ZNF469: variants seen among roughly 807,000 people sequenced by gnomAD.
ZNF469 encodes the protein zinc finger protein 469.
In ZNF469, 1 loss-of-function variant was observed where a neutral mutation model predicts 1.0. The observed-to-expected ratio is 1.00, with a 90% confidence interval of 0.35 to 4.73. ZNF469 has a LOEUF of 4.73. ZNF469 is among the 30% of genes most tolerant of loss of function. The probability of loss-of-function intolerance (pLI) is 0.16; values close to 1 mark genes in which losing one functional copy is unlikely to be tolerated. For synonymous variants in ZNF469, 2,703 were observed against 2,363.4 expected, an observed-to-expected ratio of 1.14 and a Z score of -4.17; for missense variants, 6,100 against 5,356.3, an observed-to-expected ratio of 1.14 and a Z score of -4.33.
At chr16:88,277,437 C>T in the ZNF469 span, among the ~76,000 whole-genome samples, 1 of 145,470 alleles carries the variant, frequency 6.9e-6, no homozygotes, top group Non-Finnish European at 1.5e-5. Context: ...TAGTGCTGCA[C>T]CACACTGACG....
chr16:88,239,324 G>A, the ZNF469 span, among the ~76,000 whole-genome samples: 1 of 152,098 alleles, frequency 6.6e-6, no homozygotes, highest in East Asian at 1.9e-4. Flanking sequence ...TGGTTAAAAA[G>A]AAGATGAAGA....
chr16:88,400,067 G>A (rs1250134697), intron 1 of ZNF469, among the ~76,000 whole-genome samples: 1 of 152,230 alleles, frequency 6.6e-6, no homozygotes, highest in African/African-American at 2.4e-5. Context: ...GCAGGGACGT[G>A]GGGTGAAGGG....
chr16:88,223,686 G>C, the ZNF469 span, among the ~76,000 whole-genome samples: 1 of 152,232 alleles, frequency 6.6e-6, no homozygotes, highest in Non-Finnish European at 1.5e-5. Flanking sequence ...GGAATGTGGG[G>C]ACAGAGCACA....
At chr16:88,186,733 A>G in the ZNF469 span, among the ~76,000 whole-genome samples, 2 of 152,228 alleles carry the variant, frequency 1.3e-5, no homozygotes, top group Non-Finnish European at 2.9e-5. Context: ...CATGTGTGCA[A>G]GCCGCTCCGT....
the ZNF469 span, among the ~76,000 whole-genome samples, chr16:88,311,823 A>G: frequency 8.7e-4 from 132 of 152,334 alleles, no homozygotes; most frequent in Admixed American, 8.4e-3. Flanking sequence ...CATTTTCGCA[A>G]TGATATAGCC....
the ZNF469 span, among the ~76,000 whole-genome samples, chr16:88,356,236 T>C: frequency 6.6e-6 from 1 of 152,096 alleles, no homozygotes; most frequent in South Asian, 2.1e-4. Context: ...GCCGTGGGTC[T>C]AAGGTTGGAG....
chr16:88,208,268 A>G, the ZNF469 span, among the ~76,000 whole-genome samples: 1 of 151,770 alleles, frequency 6.6e-6, no homozygotes, highest in Admixed American at 6.6e-5. Flanking sequence ...TCTCAAGCTC[A>G]TCTGCGCTTT....
At chr16:88,119,759 G>A in the ZNF469 span, among the ~76,000 whole-genome samples, 1 of 152,192 alleles carries the variant, frequency 6.6e-6, no homozygotes, top group African/African-American at 2.4e-5. Flanking sequence ...GAAGTCAACG[G>A]CAGACTGATA....
the ZNF469 span, among the ~76,000 whole-genome samples, chr16:88,150,992 A>T: frequency 6.6e-6 from 1 of 152,196 alleles, no homozygotes. Flanking sequence ...GAAGTCCAGG[A>T]AGAAAGTGCT....
chr16:88,247,707 G>C, the ZNF469 span, among the ~76,000 whole-genome samples: 2 of 152,162 alleles, frequency 1.3e-5, no homozygotes, highest in African/African-American at 4.8e-5. Context: ...GTGAGTGAAT[G>C]AGTGAGTCAA....
At chr16:88,389,168 C>G (rs774861447) in intron 1 of ZNF469, among the ~76,000 whole-genome samples, 4 of 152,246 alleles carry the variant, frequency 2.6e-5, no homozygotes, top group Non-Finnish European at 5.9e-5. Context: ...GAAGAAGTCA[C>G]TCCCTATTCC....
the ZNF469 span, among the ~76,000 whole-genome samples, chr16:88,130,418 G>T: frequency 6.6e-6 from 1 of 152,262 alleles, no homozygotes; most frequent in Non-Finnish European, 1.5e-5. Flanking sequence ...AGGAAGCCAA[G>T]GGTGCAGCAC....
At chr16:88,137,627 G>C in the ZNF469 span, among the ~76,000 whole-genome samples, 2 of 151,068 alleles carry the variant, frequency 1.3e-5, no homozygotes, top group African/African-American at 4.8e-5. Context: ...TACCACCACG[G>C]TGTGTGCACA....
Position 88,429,170 on chromosome 16 carries a change from A to T in ZNF469, c.1700A>T (p.Gln567Leu). The T allele has an allele frequency of 6.5e-7, 1 of 1,549,840 alleles. No homozygotes were observed. Among genetic ancestry groups the T allele is most frequent in the African/African-American group, 1.4e-5 (1 of 73,088 alleles). ...GAQPLFFGVA[Q>L]PQVSPHGTPS... Reference sequence around the variant, plus strand: ...CAGCCCCTGTTCTTCGGGGTGGCCCAGCCCCAGGTTTCACCCCACGGGACA... The same window carrying T: ...CAGCCCCTGTTCTTCGGGGTGGCCCTGCCCCAGGTTTCACCCCACGGGACA... The change falls in exon 3 of 3, where the codon CAG becomes CTG. Residue 567 changes from glutamine (Q) to leucine (L), a missense_variant. Transcript: ENST00000565624.
At chr16:88,380,854 A>C (rs1246768391), upstream of ZNF469, among the ~76,000 whole-genome samples, 1 of 147,948 alleles carries the variant, frequency 6.8e-6, no homozygotes, top group Non-Finnish European at 1.5e-5. Flanking sequence ...ACATGCACTC[A>C]CATGCACTCA....
chr16:88,275,306 C>T, the ZNF469 span, among the ~76,000 whole-genome samples: 1 of 152,220 alleles, frequency 6.6e-6, no homozygotes, highest in Non-Finnish European at 1.5e-5. Flanking sequence ...GCAAAGACCC[C>T]AGCCTCCGGT....
At chr16:88,353,013 C>G in the ZNF469 span, among the ~76,000 whole-genome samples, 1 of 152,178 alleles carries the variant, frequency 6.6e-6, no homozygotes, top group Admixed American at 6.5e-5. Context: ...TTGGGGGCGC[C>G]CAGGCAGGCC....
chr16:88,223,188 T>C, the ZNF469 span, among the ~76,000 whole-genome samples: 64 of 152,212 alleles, frequency 4.2e-4, no homozygotes, highest in Non-Finnish European at 5.9e-5. Context: ...CCATGGGTTG[T>C]GGGAGGGACC....
At chr16:88,382,645 C>T (rs776398727), upstream of ZNF469, among the ~76,000 whole-genome samples, 1 of 152,210 alleles carries the variant, frequency 6.6e-6, no homozygotes. Flanking sequence ...TGTGTGGGCA[C>T]CTGGGGAGCT....
Sources: gnomAD v4.1 joint callset for allele counts (sites outside exome capture counted in the v4.1 genomes callset) on GRCh38, gnomAD v4.1.1 for gene constraint, MANE v1.5 for transcripts, NCBI Gene and HGNC (gene_info 2026-07-23, HGNC 2026-07-21) for gene names.